The following KCNIP4 variants were observed in gnomAD, a reference collection of about 807,000 sequenced individuals.
The protein encoded by KCNIP4 is potassium voltage-gated channel interacting protein 4.
A neutral mutation model predicts 34.0 loss-of-function variants in KCNIP4; 12 were observed. That is an observed-to-expected ratio of 0.35 (90% CI 0.23 to 0.57). KCNIP4 has a LOEUF of 0.57. Among genes scored for constraint, KCNIP4 ranks in the 20% least tolerant of loss-of-function variants. The pLI is 0.83. For missense variants in KCNIP4, 238 were observed against 311.7 expected, an observed-to-expected ratio of 0.76 and a Z score of 1.78; for synonymous variants, 124 against 102.2, an observed-to-expected ratio of 1.21 and a Z score of -1.29.
At chr4:20,943,969 T>C (rs1017647700) in intron 1 of KCNIP4, among the ~76,000 whole-genome samples, 5 of 152,180 alleles carry the variant, frequency 3.3e-5, no homozygotes, top group Admixed American at 6.5e-5. Context: ...GAGTCTAAAA[T>C]AGGGAATGGG....
chr4:21,714,786 A>ACATG lies in KCNIP4; in HGVS notation c.61+233784_61+233785insCATG, dbSNP rs778595133. Among the ~76,000 whole-genome samples the ACATG allele has an allele frequency of 6.5e-5, 3 of 46,250 alleles. 1 individual carries two copies. Among genetic ancestry groups the ACATG allele is most frequent in the East Asian group, 8.2e-4 (1 of 1,216 alleles). 30.3% of individuals were successfully genotyped at this position (46,250 alleles called of 152,430 possible). A position where few individuals can be genotyped will look rare whatever the true frequency, so the allele number is the denominator to read the frequency against. Reference sequence around the variant, plus strand: ...AGAATGTGTTAGTAATTTCCCTTTGATTATTTTATTTTATTTTATTTTATT... The same window carrying ACATG: ...AGAATGTGTTAGTAATTTCCCTTTGACATGTTATTTTATTTTATTTTATTTTATT... On this transcript the variant is annotated intron_variant, in intron 1 of 8. Transcript: ENST00000382152.
In KCNIP4 at chr4:21,237,638, G is replaced by T. The variant is rs958885510; in HGVS notation, c.62-354929C>A. Among the ~76,000 whole-genome samples, 17 of 152,166 alleles carry T rather than the reference G, an allele frequency of 1.1e-4. 1 individual carries two copies. The highest frequency in any genetic ancestry group is 7.4e-5 in the Non-Finnish European group (5 of 68,004). On this transcript the variant is annotated intron_variant, in intron 1 of 8. Coordinates refer to ENST00000382152, the MANE Select transcript of KCNIP4 (RefSeq NM_025221.6). ...TAAACTAGAAAATCTAGAAGAAATG[G>T]ATAAATTCCTCGACACATACACCCT... is the stretch of plus-strand genomic sequence containing the variant.
intron 1 of KCNIP4, among the ~76,000 whole-genome samples, chr4:21,123,834 T>C (rs1191079855): frequency 6.6e-6 from 1 of 152,016 alleles, no homozygotes; most frequent in Admixed American, 6.6e-5. Flanking sequence ...AAAGGCCGTG[T>C]GAATGTATAG....
chr4:21,710,137 A>T (rs1289497622), intron 1 of KCNIP4, among the ~76,000 whole-genome samples: 1 of 152,216 alleles, frequency 6.6e-6, no homozygotes, highest in Non-Finnish European at 1.5e-5. Context: ...GATGATGTGG[A>T]AGATGAATAC....
chr4:21,523,054 C>A (rs1364480552), intron 1 of KCNIP4, among the ~76,000 whole-genome samples: 1 of 151,886 alleles, frequency 6.6e-6, no homozygotes, highest in African/African-American at 2.4e-5. Flanking sequence ...GGGGGGGACA[C>A]TATTCACCAA....
chr4:21,601,278 A>G (rs1028064118), intron 1 of KCNIP4, among the ~76,000 whole-genome samples: 2 of 152,062 alleles, frequency 1.3e-5, no homozygotes, highest in Non-Finnish European at 2.9e-5. Context: ...AAAAGAATCA[A>G]TTTCAACATC....
At chr4:21,580,696 C>A (rs774936586) in intron 1 of KCNIP4, among the ~76,000 whole-genome samples, 2 of 152,064 alleles carry the variant, frequency 1.3e-5, no homozygotes, top group African/African-American at 4.8e-5. Context: ...ACACATTTAA[C>A]GCACACCATT....
At chr4:21,240,873 GT>G (rs1176236173) in intron 1 of KCNIP4, among the ~76,000 whole-genome samples, 14 of 151,984 alleles carry the variant, frequency 9.2e-5, no homozygotes, top group Non-Finnish European at 1.8e-4. Flanking sequence ...TAATGTTGAA[GT>G]TTTTCTTCTC....
At chr4:21,852,203 G>C (rs1724454720) in intron 1 of KCNIP4, 1 of 128,730 alleles carries the variant, frequency 7.8e-6, no homozygotes. Flanking sequence ...CAGAGAGTCT[G>C]TCCCGGGAAG....
At chr4:21,780,007 A>T (rs973648129) in intron 1 of KCNIP4, among the ~76,000 whole-genome samples, 3 of 152,142 alleles carry the variant, frequency 2.0e-5, no homozygotes, top group Admixed American at 1.3e-4. Flanking sequence ...GCTAGAAGAC[A>T]CAGTGATTTA....
intron 1 of KCNIP4, among the ~76,000 whole-genome samples, chr4:21,749,245 T>C (rs116800895): frequency 0.029 from 4,357 of 152,252 alleles, 195 homozygotes; most frequent in African/African-American, 0.099. Flanking sequence ...TCCAAGCTCA[T>C]TCTCAATGGA....
At chr4:21,078,093 C>CA (rs1306200420) in intron 1 of KCNIP4, among the ~76,000 whole-genome samples, 3 of 151,922 alleles carry the variant, frequency 2.0e-5, no homozygotes, top group Admixed American at 1.3e-4. Flanking sequence ...GTGATGATGA[C>CA]ATAAGGACAC....
At chr4:21,189,788 A>G (rs1485261038) in intron 1 of KCNIP4, among the ~76,000 whole-genome samples, 1 of 152,228 alleles carries the variant, frequency 6.6e-6, no homozygotes, top group Non-Finnish European at 1.5e-5. Context: ...CATTTTTCAA[A>G]TACCAAAGGT....
chr4:21,289,908 A>G (rs528366007), intron 1 of KCNIP4, among the ~76,000 whole-genome samples: 1 of 152,296 alleles, frequency 6.6e-6, no homozygotes, highest in South Asian at 2.1e-4. Context: ...TGTCACATAC[A>G]CATTCCAATT....
intron 1 of KCNIP4, among the ~76,000 whole-genome samples, chr4:21,210,710 A>T (rs978414149): frequency 6.6e-6 from 1 of 152,130 alleles, no homozygotes; most frequent in Non-Finnish European, 1.5e-5. Context: ...AAAGAGCTAT[A>T]TGTTTTCCCT....
intron 1 of KCNIP4, among the ~76,000 whole-genome samples, chr4:21,708,499 A>G (rs1343355488): frequency 2.0e-5 from 3 of 152,150 alleles, no homozygotes; most frequent in South Asian, 4.1e-4. Flanking sequence ...GCCAAATACC[A>G]TCTTGGAATG....
chr4:21,921,715 AATCT>A (rs1324327662), intron 1 of KCNIP4, among the ~76,000 whole-genome samples: 2 of 152,022 alleles, frequency 1.3e-5, no homozygotes, highest in Non-Finnish European at 2.9e-5. Context: ...ATACATCTTG[AATCT>A]ATCTAATTCC....
chr4:21,554,324 G>A (rs1051662117), intron 1 of KCNIP4, among the ~76,000 whole-genome samples: 1 of 152,078 alleles, frequency 6.6e-6, no homozygotes, highest in Non-Finnish European at 1.5e-5. Context: ...GAGAGCAGGG[G>A]GCTGTGCTTG....
At chr4:21,130,327 C>T (rs6837395) in intron 1 of KCNIP4, among the ~76,000 whole-genome samples, 78,526 of 151,926 alleles carry the variant, frequency 0.52, 21,591 homozygotes, top group African/African-American at 0.71. Flanking sequence ...TGAGAATCAC[C>T]GCAATTTTTC....
Sources: allele counts gnomAD v4.1 joint callset (sites outside exome capture counted in the v4.1 genomes callset), GRCh38; gene constraint gnomAD v4.1.1; transcripts MANE v1.5; gene names NCBI Gene and HGNC (gene_info 2026-07-23, HGNC 2026-07-21).